SLIT2: variants seen among roughly 807,000 people sequenced by gnomAD.
SLIT2 encodes slit homolog 2 protein.
SLIT2 carries 41 observed loss-of-function variants against 185.7 expected under a neutral mutation model. That is an observed-to-expected ratio of 0.22 (90% CI 0.17 to 0.29). The LOEUF is 0.29. SLIT2 is among the 10% of genes least tolerant of loss of function. The pLI, the probability that SLIT2 is intolerant of heterozygous loss-of-function variation, is 1.00. For synonymous variants in SLIT2, 693 were observed against 680.2 expected, an observed-to-expected ratio of 1.02 and a Z score of -0.29; for missense variants, 1,571 against 1,909.0, an observed-to-expected ratio of 0.82 and a Z score of 3.30.
rs1715683589 is a variant in SLIT2, at chr4:20,472,649, T to TATATCTA, written c.467+4826_467+4827insATATCTA. 4.4e-5 allele frequency among the ~76,000 whole-genome samples: 2 copies of TATATCTA among 45,784 alleles called. 1 individual carries two copies. Among genetic ancestry groups the TATATCTA allele is most frequent in the East Asian group, 1.8e-3 (2 of 1,128 alleles). The allele number at this position is 45,784 out of a possible 152,430, so 30.0% of individuals were successfully genotyped here. A position where few individuals can be genotyped will look rare whatever the true frequency, so the allele number is the denominator to read the frequency against. ...ATATCTATATATATCGATATATATA[T>TATATCTA]TTAAAAGCCTTAACACTGATGCAGT... On this transcript the variant is annotated intron_variant, in intron 5 of 36. Coordinates refer to ENST00000504154, the MANE Select transcript of SLIT2 (RefSeq NM_004787.4).
intron 4 of SLIT2, among the ~76,000 whole-genome samples, chr4:20,327,005 C>T (rs538924177): frequency 2.2e-4 from 33 of 151,840 alleles, no homozygotes; most frequent in African/African-American, 3.4e-4. Flanking sequence ...CATCTTAAAA[C>T]GGTGAAACTC....
At chr4:20,303,879 A>G (rs748488316) in intron 4 of SLIT2, among the ~76,000 whole-genome samples, 1 of 152,196 alleles carries the variant, frequency 6.6e-6, no homozygotes, top group Non-Finnish European at 1.5e-5. Context: ...AGTAGGTGGT[A>G]AGTTCAAGGG....
Position 20,567,605 on chromosome 4 carries a change from G to C in SLIT2, c.2938G>C (p.Asp980His). The C allele has an allele frequency of 1.9e-6, 3 of 1,611,708 alleles. No homozygotes were observed. The highest frequency in any genetic ancestry group is 2.5e-6 in the Non-Finnish European group (3 of 1,178,028). The change falls in exon 28 of 37, where the codon GAT becomes CAT. Residue 980 changes from aspartate to histidine, a missense_variant. Physicochemically the swap from Asp to His is moderately conservative, Grantham distance 81. Transcript: ENST00000504154. Reference sequence around the variant, plus strand: ...TTGCCACTTAAAGGAAGGAGAAGAAGATGGATTCTGGTAGGTCATTAGTCT... The same window carrying C: ...TTGCCACTTAAAGGAAGGAGAAGAACATGGATTCTGGTAGGTCATTAGTCT... Reference protein sequence around the residue: ...GTCHLKEGEEDGFWCICADGF... With the variant: ...GTCHLKEGEEHGFWCICADGF...
At chr4:20,316,149 G>T (rs1167217340) in intron 4 of SLIT2, among the ~76,000 whole-genome samples, 1 of 151,922 alleles carries the variant, frequency 6.6e-6, no homozygotes, top group African/African-American at 2.4e-5. Context: ...GCTAAGTCTT[G>T]TGGGAGGAAA....
intron 4 of SLIT2, among the ~76,000 whole-genome samples, chr4:20,453,951 G>A (rs1001259808): frequency 2.0e-5 from 3 of 152,168 alleles, no homozygotes; most frequent in Non-Finnish European, 4.4e-5. Flanking sequence ...TGGTTTGAGT[G>A]GCATGGATCT....
intron 29 of SLIT2, among the ~76,000 whole-genome samples, chr4:20,570,700 C>T (rs960774698): frequency 1.5e-5 from 2 of 136,588 alleles, no homozygotes; most frequent in Admixed American, 1.6e-4. Flanking sequence ...CTAACCAATG[C>T]ACAGAACCAG....
Position 20,580,136 on chromosome 4 carries a change from C to G in SLIT2, c.3089-9508C>G, listed in dbSNP as rs1215316072. Reference sequence around the variant, plus strand: ...AGTGCAGTGGCATGATCTCAGCTCACTGCAACCTCCGCCTCTCAGGTTCAA... The same window carrying G: ...AGTGCAGTGGCATGATCTCAGCTCAGTGCAACCTCCGCCTCTCAGGTTCAA... On this transcript the variant is annotated intron_variant, in intron 29 of 36. Transcript: ENST00000504154. Among the ~76,000 whole-genome samples the G allele has an allele frequency of 2.7e-5, 4 of 149,170 alleles. No homozygotes were observed. In the East Asian group the frequency reaches 7.9e-4, roughly 29 times the overall value.
intron 4 of SLIT2, among the ~76,000 whole-genome samples, chr4:20,426,839 ACTGT>A (rs1013554522): frequency 2.0e-5 from 3 of 152,160 alleles, no homozygotes; most frequent in Non-Finnish European, 4.4e-5. Flanking sequence ...CCCCAAAACA[ACTGT>A]CTGGGGAAGA....
chr4:20,362,516 T>G (rs1722819902), intron 4 of SLIT2, among the ~76,000 whole-genome samples: 1 of 152,102 alleles, frequency 6.6e-6, no homozygotes, highest in African/African-American at 2.4e-5. Context: ...TACATTCAGT[T>G]AAATGGATGT....
chr4:20,467,666 G>T, intron 4 of SLIT2, 86 bp from the exon 5 acceptor site: 1 of 731,666 alleles, frequency 1.4e-6, no homozygotes, highest in South Asian at 2.1e-5. Flanking sequence ...TCTTTCTGGT[G>T]TCCTATAACT....
intron 4 of SLIT2, among the ~76,000 whole-genome samples, chr4:20,457,020 A>G (rs1713150136): frequency 6.6e-6 from 1 of 152,158 alleles, no homozygotes; most frequent in Admixed American, 6.6e-5. Flanking sequence ...TTAATTTGCC[A>G]AAGTATTAGA....
intron 11 of SLIT2, among the ~76,000 whole-genome samples, chr4:20,518,588 T>TATATATATATA (rs1475880730): frequency 3.4e-3 from 26 of 7,584 alleles, no homozygotes; most frequent in East Asian, 7.0e-3. Flanking sequence ...TATATATATA[T>TATATATATATA]TTTTTTTTTT....
chr4:20,519,287 T>A (rs1390352300), intron 11 of SLIT2, 95 bp from the exon 12 acceptor site: 3 of 694,934 alleles, frequency 4.3e-6, no homozygotes, highest in African/African-American at 1.8e-5. Flanking sequence ...ATTGATTGCC[T>A]ACTAGCTTCC....
chr4:20,362,307 G>A (rs978911239), intron 4 of SLIT2, among the ~76,000 whole-genome samples: 4 of 152,118 alleles, frequency 2.6e-5, no homozygotes, highest in Non-Finnish European at 4.4e-5. Flanking sequence ...AGGCAGAGGA[G>A]AGAGCTCCAT....
At chr4:20,601,705 T>C (rs1457904760) in intron 33 of SLIT2, among the ~76,000 whole-genome samples, 1 of 152,216 alleles carries the variant, frequency 6.6e-6, no homozygotes, top group East Asian at 1.9e-4. Context: ...TGATGAAAGA[T>C]AGTACTTCTC....
intron 5 of SLIT2, among the ~76,000 whole-genome samples, chr4:20,475,988 A>C (rs983318635): frequency 6.6e-6 from 1 of 152,176 alleles, no homozygotes; most frequent in African/African-American, 2.4e-5. Flanking sequence ...CATAATGTAA[A>C]TTACTTTGGG....
intron 4 of SLIT2, among the ~76,000 whole-genome samples, chr4:20,388,839 A>T (rs939939508): frequency 3.4e-5 from 5 of 146,000 alleles, no homozygotes; most frequent in African/African-American, 1.2e-4. Context: ...TATATAATAT[A>T]TATAAAATAT....
chr4:20,514,389 C>G (rs1314201642), intron 11 of SLIT2, among the ~76,000 whole-genome samples: 1 of 152,136 alleles, frequency 6.6e-6, no homozygotes, highest in South Asian at 2.1e-4. Flanking sequence ...GCCTGTAATT[C>G]CAGCACTTTG....
intron 4 of SLIT2, among the ~76,000 whole-genome samples, chr4:20,391,764 A>G (rs543727670): frequency 1.2e-4 from 18 of 152,084 alleles, no homozygotes; most frequent in Non-Finnish European, 2.5e-4. Flanking sequence ...GAATGAGATT[A>G]TTTAAAAAGA....
Sources: allele counts gnomAD v4.1 joint callset (sites outside exome capture counted in the v4.1 genomes callset), GRCh38; gene constraint gnomAD v4.1.1; transcripts MANE v1.5; gene names NCBI Gene and HGNC (gene_info 2026-07-23, HGNC 2026-07-21).